Variants in SLC35F3 observed in about 807,000 individuals in gnomAD.
SLC35F3 encodes the protein solute carrier family 35 member F3.
Under a neutral mutation model 49.9 loss-of-function variants are expected in SLC35F3, and 25 were observed. The ratio of observed to expected loss-of-function variants is 0.50; its 90% CI spans 0.37 to 0.70. The LOEUF (loss-of-function observed/expected upper bound fraction) is 0.70, where lower values mean the gene tolerates loss of function less well. SLC35F3 is among the 30% of genes least tolerant of loss of function. The pLI is 0.00. For missense variants in SLC35F3, 525 were observed against 639.8 expected (o/e 0.82, Z 1.94); for synonymous variants, 275 against 265.4 (o/e 1.04, Z -0.35).
intron 3 of SLC35F3, among the ~76,000 whole-genome samples, chr1:234,249,607 C>T (rs576346861): frequency 6.6e-6 from 1 of 152,264 alleles, no homozygotes; most frequent in East Asian, 1.9e-4. Context: ...AGATTGACTG[C>T]CCCACCCCTG....
intron 2 of SLC35F3, among the ~76,000 whole-genome samples, chr1:234,072,518 G>A (rs976221833): frequency 6.6e-6 from 1 of 152,156 alleles, no homozygotes; most frequent in Non-Finnish European, 1.5e-5. Flanking sequence ...CGTTTAATAC[G>A]ATGGAGAAAA....
At chr1:234,164,547 C>T (rs145047128) in intron 2 of SLC35F3, among the ~76,000 whole-genome samples, 350 of 152,222 alleles carry the variant, frequency 2.3e-3, no homozygotes, top group African/African-American at 8.0e-3. Flanking sequence ...ATTGGAAGGG[C>T]GGCCACGTGG....
intron 2 of SLC35F3, among the ~76,000 whole-genome samples, chr1:233,998,246 A>T (rs772985507): frequency 1.5e-4 from 23 of 152,026 alleles, no homozygotes; most frequent in Non-Finnish European, 1.9e-4. Context: ...CAATTCAATC[A>T]TTCTCCTACC....
chr1:233,985,978 A>G (rs192113030), intron 2 of SLC35F3, among the ~76,000 whole-genome samples: 1 of 152,322 alleles, frequency 6.6e-6, no homozygotes, highest in East Asian at 1.9e-4. Context: ...GTGGGTTAAA[A>G]TTCTGCTTTT....
chr1:234,288,403 C>T (rs1261201758), intron 3 of SLC35F3, among the ~76,000 whole-genome samples: 1 of 152,202 alleles, frequency 6.6e-6, no homozygotes, highest in African/African-American at 2.4e-5. Flanking sequence ...ACCCCTGTAA[C>T]TCTTATGGTT....
Position 234,320,717 on chromosome 1 carries a change from C to G in SLC35F3, c.1237+530C>G, listed in dbSNP as rs573453663. On this transcript the variant is annotated intron_variant, in intron 7 of 7. Coordinates refer to ENST00000366618, the MANE Select transcript of SLC35F3 (RefSeq NM_173508.4). This position sits in a 1 kb window ranked among gnomAD's most constrained non-coding sequence, Gnocchi z 4.8. ...GACCTCCGGGAAGACAGGGAGAGAA[C>G]GCCCTTTGCCCAGGAACTCGGGACT... is the stretch of plus-strand genomic sequence containing the variant. 1.3e-5 allele frequency among the ~76,000 whole-genome samples: 2 copies of G among 152,146 alleles called. No homozygotes were observed. The highest frequency in any genetic ancestry group is 2.4e-5 in the African/African-American group (1 of 41,430).
chr1:234,088,647 C>G (rs563602360), intron 2 of SLC35F3, among the ~76,000 whole-genome samples: 2 of 152,314 alleles, frequency 1.3e-5, no homozygotes, highest in African/African-American at 2.4e-5. Context: ...TTTAAGCATG[C>G]ATTTTGTGTT....
intron 2 of SLC35F3, among the ~76,000 whole-genome samples, chr1:233,978,140 A>G (rs1663120380): frequency 6.6e-6 from 1 of 152,142 alleles, no homozygotes; most frequent in South Asian, 2.1e-4. Context: ...GGTGTTTGCC[A>G]CTGGAGGAGG....
chr1:234,250,100 A>AT (rs761758872), intron 3 of SLC35F3, among the ~76,000 whole-genome samples: 1 of 152,236 alleles, frequency 6.6e-6, no homozygotes, highest in Non-Finnish European at 1.5e-5. Flanking sequence ...TCCACTGAAT[A>AT]TAACACCTGT....
At chr1:234,068,776 A>G in intron 2 of SLC35F3, among the ~76,000 whole-genome samples, 1 of 142,712 alleles carries the variant, frequency 7.0e-6, no homozygotes, top group South Asian at 2.2e-4. Context: ...TGAGACAGGA[A>G]TAAAGAAATG....
intron 3 of SLC35F3, chr1:234,268,796 G>C (rs1010445597): frequency 1.3e-5 from 2 of 152,092 alleles, no homozygotes; most frequent in African/African-American, 4.8e-5. Context: ...AGTGGACTTC[G>C]GCAGTAGACT....
intron 2 of SLC35F3, among the ~76,000 whole-genome samples, chr1:233,912,047 A>G (rs1309860764): frequency 6.6e-6 from 1 of 152,174 alleles, no homozygotes. Context: ...TTTGTTAAGC[A>G]TTTTACTGTA....
At chr1:234,064,944 T>C (rs900764328) in intron 2 of SLC35F3, among the ~76,000 whole-genome samples, 1 of 152,208 alleles carries the variant, frequency 6.6e-6, no homozygotes, top group Non-Finnish European at 1.5e-5. Flanking sequence ...GACTATTTTC[T>C]TTTATAAGAG....
intron 3 of SLC35F3, among the ~76,000 whole-genome samples, chr1:234,279,936 G>A (rs2102980257): frequency 6.6e-6 from 1 of 152,298 alleles, no homozygotes; most frequent in South Asian, 2.1e-4. Flanking sequence ...TAGACTGGCA[G>A]CATATCAGAT....
At chr1:233,918,631 G>A (rs893298812) in intron 2 of SLC35F3, among the ~76,000 whole-genome samples, 19 of 152,102 alleles carry the variant, frequency 1.2e-4, no homozygotes, top group African/African-American at 4.3e-4. Context: ...GCCGGGTGTA[G>A]TGGCGGGCAC....
chr1:233,929,315 T>C (rs1012996416), intron 2 of SLC35F3, among the ~76,000 whole-genome samples: 26 of 152,182 alleles, frequency 1.7e-4, no homozygotes, highest in African/African-American at 6.0e-4. Flanking sequence ...TTCAGCAAGA[T>C]TACATCCTGA....
intron 2 of SLC35F3, among the ~76,000 whole-genome samples, chr1:234,083,267 A>G (rs1011792099): frequency 6.6e-6 from 1 of 152,224 alleles, no homozygotes; most frequent in African/African-American, 2.4e-5. Context: ...CTAATTCTCA[A>G]AGCAGTCTTT....
chr1:234,276,771 G>A (rs1012975371), intron 3 of SLC35F3, among the ~76,000 whole-genome samples: 2 of 152,178 alleles, frequency 1.3e-5, no homozygotes, highest in Admixed American at 6.5e-5. Context: ...AGGCCTGGCA[G>A]GTGCCAAAGA....
At chr1:233,952,512 A>G (rs115759202) in intron 2 of SLC35F3, among the ~76,000 whole-genome samples, 2 of 152,218 alleles carry the variant, frequency 1.3e-5, no homozygotes, top group African/African-American at 2.4e-5. Context: ...CATAGGGCAA[A>G]GTCTCTTCCA....
Sources: gnomAD v4.1 joint callset for allele counts (sites outside exome capture counted in the v4.1 genomes callset) on GRCh38, gnomAD v4.1.1 for gene constraint, Gnocchi (gnomAD v3.1) non-coding constraint, MANE v1.5 for transcripts, NCBI Gene and HGNC (gene_info 2026-07-23, HGNC 2026-07-21) for gene names.